SLC9A9: variants seen among roughly 807,000 people sequenced by gnomAD.
The protein encoded by SLC9A9 is solute carrier family 9 member A9, also known as sodium/hydrogen exchanger 9.
A neutral mutation model predicts 77.8 loss-of-function variants in SLC9A9; 62 were observed. The ratio of observed to expected loss-of-function variants is 0.80; its 90% CI spans 0.65 to 0.98. The LOEUF is 0.98. Among genes scored for constraint, SLC9A9 ranks in the 50% least tolerant of loss-of-function variants. SLC9A9 has a pLI of 0.00. For synonymous variants in SLC9A9, 320 were observed against 283.5 expected, an observed-to-expected ratio of 1.13 and a Z score of -1.29; for missense variants, 775 against 774.9, an observed-to-expected ratio of 1.00 and a Z score of 0.00.
intron 12 of SLC9A9, among the ~76,000 whole-genome samples, chr3:143,416,239 G>T (rs2034188668): frequency 6.6e-6 from 1 of 152,152 alleles, no homozygotes; most frequent in Non-Finnish European, 1.5e-5. Flanking sequence ...ACAAAAAAGG[G>T]TTTAGTATAT....
At chr3:143,392,925 G>A (rs1052333413) in intron 12 of SLC9A9, among the ~76,000 whole-genome samples, 1 of 152,114 alleles carries the variant, frequency 6.6e-6, no homozygotes, top group African/African-American at 2.4e-5. Context: ...ACCCAATACA[G>A]GAACACCCAG....
intron 14 of SLC9A9, among the ~76,000 whole-genome samples, chr3:143,346,120 C>T (rs1354949807): frequency 6.6e-6 from 1 of 152,102 alleles, no homozygotes; most frequent in African/African-American, 2.4e-5. Flanking sequence ...CAGACAAACC[C>T]AGCCTTATAT....
chr3:143,840,167 A>T (rs1235539342), intron 1 of SLC9A9, among the ~76,000 whole-genome samples: 1 of 152,136 alleles, frequency 6.6e-6, no homozygotes, highest in Non-Finnish European at 1.5e-5. Flanking sequence ...TGAACTACAT[A>T]TTTGCATTTC....
chr3:143,696,539 G>T (rs78584418), intron 4 of SLC9A9, among the ~76,000 whole-genome samples: 5,424 of 152,270 alleles, frequency 0.036, 143 homozygotes, highest in East Asian at 0.12. Flanking sequence ...CATTAGCAGA[G>T]AAATGCTCCT....
At chr3:143,747,027 A>G (rs549259467) in intron 4 of SLC9A9, among the ~76,000 whole-genome samples, 1 of 152,262 alleles carries the variant, frequency 6.6e-6, no homozygotes, top group African/African-American at 2.4e-5. Flanking sequence ...AGACAATGAC[A>G]ATGCTGTGGT....
chr3:143,610,332 A>C (rs2038004563), intron 6 of SLC9A9, among the ~76,000 whole-genome samples: 1 of 152,094 alleles, frequency 6.6e-6, no homozygotes, highest in African/African-American at 2.4e-5. Context: ...TTTGCAGTAG[A>C]GAAGGGGTTT....
intron 14 of SLC9A9, among the ~76,000 whole-genome samples, chr3:143,309,368 G>A (rs1405483864): frequency 6.6e-6 from 1 of 150,466 alleles, no homozygotes; most frequent in Non-Finnish European, 1.5e-5. Context: ...TTATGATTGT[G>A]CTTTGCAATT....
chr3:143,596,987 G>A (rs2037762856), intron 6 of SLC9A9, among the ~76,000 whole-genome samples: 1 of 152,188 alleles, frequency 6.6e-6, no homozygotes, highest in South Asian at 2.1e-4. Flanking sequence ...TTAAACATAT[G>A]TCACGGTAAA....
chr3:143,368,837 C>A (rs756972925), intron 13 of SLC9A9, among the ~76,000 whole-genome samples: 4 of 152,106 alleles, frequency 2.6e-5, no homozygotes, highest in Non-Finnish European at 4.4e-5. Context: ...ATTCTGGGTT[C>A]TGAAGAGGGA....
intron 4 of SLC9A9, among the ~76,000 whole-genome samples, chr3:143,718,139 T>C (rs946105187): frequency 1.3e-5 from 2 of 150,072 alleles, no homozygotes; most frequent in African/African-American, 4.9e-5. Flanking sequence ...TTCATACGAA[T>C]TGGCACATTT....
intron 6 of SLC9A9, among the ~76,000 whole-genome samples, chr3:143,651,975 G>A (rs1029891461): frequency 3.6e-5 from 3 of 83,568 alleles, no homozygotes; most frequent in Admixed American, 3.3e-4. Context: ...GCTCATTTAT[G>A]TGCATTTTAG....
intron 12 of SLC9A9, among the ~76,000 whole-genome samples, chr3:143,441,603 G>C (rs1234389788): frequency 7.0e-6 from 1 of 142,318 alleles, no homozygotes; most frequent in African/African-American, 2.5e-5. Context: ...ACATCAGCCA[G>C]TATCTGCACT....
At chr3:143,795,281 G>GAAA (rs776525691) in intron 3 of SLC9A9, among the ~76,000 whole-genome samples, 5,318 of 71,978 alleles carry the variant, frequency 0.074, 308 homozygotes, top group African/African-American at 0.19. Flanking sequence ...TCAAGAAGCA[G>GAAA]AAAAAAAAAA....
intron 14 of SLC9A9, among the ~76,000 whole-genome samples, chr3:143,358,988 C>G (rs2032667144): frequency 6.6e-6 from 1 of 152,212 alleles, no homozygotes; most frequent in African/African-American, 2.4e-5. Context: ...TTTAAGTCTG[C>G]TGTGAGTGGC....
chr3:143,526,189 T>A (rs2036402974), intron 9 of SLC9A9, among the ~76,000 whole-genome samples: 2 of 152,224 alleles, frequency 1.3e-5, no homozygotes, highest in South Asian at 4.1e-4. Flanking sequence ...CACAGTCACA[T>A]CTTCTTGTTT....
chr3:143,343,752 C>A (rs1490711688), intron 14 of SLC9A9: 3 of 152,114 alleles, frequency 2.0e-5, no homozygotes, highest in Non-Finnish European at 4.4e-5. Context: ...AGTACTGCTG[C>A]CTTGGAAACA....
intron 6 of SLC9A9, among the ~76,000 whole-genome samples, chr3:143,614,213 C>T (rs2038067748): frequency 6.6e-6 from 1 of 152,174 alleles, no homozygotes; most frequent in African/African-American, 2.4e-5. Context: ...TCTAGCATTT[C>T]CTAGGCTCAA....
chr3:143,687,030 CTTG>C (rs1370595440), intron 5 of SLC9A9, among the ~76,000 whole-genome samples: 2 of 152,056 alleles, frequency 1.3e-5, no homozygotes, highest in Non-Finnish European at 2.9e-5. Flanking sequence ...TCACTGTCCA[CTTG>C]TTAAGTGCTG....
At chr3:143,726,364 T>C (rs750373894) in intron 4 of SLC9A9, among the ~76,000 whole-genome samples, 1 of 152,092 alleles carries the variant, frequency 6.6e-6, no homozygotes, top group African/African-American at 2.4e-5. Context: ...GAAGGCTCTA[T>C]ATTTTGATTG....
Sources: allele counts gnomAD v4.1 joint callset (sites outside exome capture counted in the v4.1 genomes callset), GRCh38; gene constraint gnomAD v4.1.1; transcripts MANE v1.5; gene names NCBI Gene and HGNC (gene_info 2026-07-23, HGNC 2026-07-21).